The following TRMT6 variants were observed in gnomAD, a reference collection of about 807,000 sequenced individuals.
The protein encoded by TRMT6 is tRNA methyltransferase 6 non-catalytic subunit.
In TRMT6, 34 loss-of-function variants were observed where a neutral mutation model predicts 59.0. The ratio of observed to expected loss-of-function variants is 0.58; its 90% CI spans 0.44 to 0.77. TRMT6 has a LOEUF of 0.77. Among genes scored for constraint, TRMT6 ranks in the 30% least tolerant of loss-of-function variants. The pLI, the probability that TRMT6 is intolerant of heterozygous loss-of-function variation, is 0.00. For missense variants in TRMT6, 575 were observed against 604.5 expected (o/e 0.95, Z 0.51); for synonymous variants, 217 against 210.5 (o/e 1.03, Z -0.27).
At chr20:5,943,350 GC>G in intron 6 of TRMT6, among the ~76,000 whole-genome samples, 1 of 152,176 alleles carries the variant, frequency 6.6e-6, no homozygotes, top group East Asian at 1.9e-4. Flanking sequence ...AAGGACAATT[GC>G]CATGGGTTTG....
chr20:5,944,901 C>T lies in TRMT6; in HGVS notation c.270G>A (p.Ala90=), dbSNP rs567916576. The T allele has an allele frequency of 1.9e-5, 31 of 1,612,642 alleles. No individual in the cohort carries two copies. Among genetic ancestry groups the T allele is most frequent in the South Asian group, 1.5e-4 (14 of 91,026 alleles). ...REEPTAETKE[A]GTDNRNIVDD... ...CAACTATATTTCGATTATCAGTGCC[C>T]GCTTCTTTAGTCTCTAAGGAAAGAA... The change falls in exon 3 of 11, where the codon GCG becomes GCA. Residue 90 remains alanine, a synonymous_variant. Transcript: ENST00000203001.
In TRMT6 at chr20:5,938,579, C is replaced by T; in HGVS notation, c.1450G>A (p.Glu484Lys). The change falls in exon 11 of 11, where the codon GAG (glutamate) becomes AAG (lysine). Residue 484 changes from glutamate (E) to lysine (K), a missense_variant. Transcript: ENST00000203001. Reference protein sequence around the residue: ...ASTLESHETEEPAAKKRKCPE... With the variant: ...ASTLESHETEKPAAKKRKCPE... ...CATTTTCGTTTTTTAGCTGCAGGCT[C>T]CTCAGTCTCGTGTGATTCTAAAGTG... The T allele has an allele frequency of 6.2e-7, 1 of 1,614,196 alleles. No individual in the cohort carries two copies. The highest frequency in any genetic ancestry group is 8.5e-7 in the Non-Finnish European group (1 of 1,180,014).
At chr20:5,949,588 A>G (rs939583895) in intron 1 of TRMT6, among the ~76,000 whole-genome samples, 2 of 152,124 alleles carry the variant, frequency 1.3e-5, no homozygotes. Flanking sequence ...CTTTTTAGCA[A>G]TTTTCCCAGC....
rs753860360 is a variant in TRMT6 at position 5,942,542 on chromosome 20, G to A, written c.912C>T (p.Asp304=). 1.2e-6 allele frequency: 2 copies of A among 1,614,082 alleles called. No homozygotes were observed. Among genetic ancestry groups the A allele is most frequent in the South Asian group, 2.2e-5 (2 of 91,066 alleles). Residue 304 remains aspartate, a synonymous_variant, in exon 7 of 11, where the codon GAC becomes GAT. Coordinates refer to ENST00000203001, the MANE Select transcript of TRMT6 (RefSeq NM_015939.5). ...EKQASEQENE[D]SMAEAPESNH... is the part of the protein sequence containing the mutation. Reference sequence around the variant, plus strand: ...TGCTCTCTGGGGCCTCTGCCATGCTGTCTTCATTCTCTTGTTCAGAAGCCT... The same window carrying A: ...TGCTCTCTGGGGCCTCTGCCATGCTATCTTCATTCTCTTGTTCAGAAGCCT...
At position 5,950,356 on chromosome 20, in the gene TRMT6, T is replaced by C; in HGVS notation, c.50A>G (p.Asp17Gly). The C allele has an allele frequency of 4.3e-6, 7 of 1,611,582 alleles. No individual in the cohort carries two copies. Among genetic ancestry groups the C allele is most frequent in the Middle Eastern group, 1.6e-4 (1 of 6,062 alleles). Residue 17 changes from aspartate to glycine, a missense_variant, in exon 1 of 11, where the codon GAC (aspartate) becomes GGC (glycine). Asp to Gly is a moderately conservative substitution (Grantham distance 94). Transcript: ENST00000203001. ...GAAGTCGCCGTCGCGGATGCGGTGG[T>C]CTCCGGGATGCTGTGGTTGTGGGCC... is the stretch of plus-strand genomic sequence containing the variant. ...QPGPQPQHPG[D>G]HRIRDGDFVV...
At chr20:5,943,424 G>A (rs2088676387) in intron 6 of TRMT6, 135 bp downstream of exon 6, 1 of 1,146,402 alleles carries the variant, frequency 8.7e-7, no homozygotes, top group Non-Finnish European at 1.3e-6. Flanking sequence ...CATGCTAGGA[G>A]CCGTGCAGGT....
chr20:5,944,893 T>C lies in TRMT6; in HGVS notation c.278A>G (p.Asp93Gly). The C allele has an allele frequency of 6.2e-7, 1 of 1,613,742 alleles. No individual in the cohort carries two copies. The highest frequency in any genetic ancestry group is 8.5e-7 in the Non-Finnish European group (1 of 1,179,638). Reference sequence around the variant, plus strand: ...CCCATCATCAACTATATTTCGATTATCAGTGCCCGCTTCTTTAGTCTCTAA... The same window carrying C: ...CCCATCATCAACTATATTTCGATTACCAGTGCCCGCTTCTTTAGTCTCTAA... ...PTAETKEAGT[D>G]NRNIVDDGKS... Residue 93 changes from aspartate (D) to glycine (G), a missense_variant, in exon 3 of 11, where the codon GAT becomes GGT. Physicochemically the swap from Asp to Gly is moderately conservative, Grantham distance 94. Coordinates refer to ENST00000203001, the MANE Select transcript of TRMT6 (RefSeq NM_015939.5).
chr20:5,950,480 C>G lies in TRMT6; in HGVS notation c.-75G>C. ...GTTGTCGCCACCGCCAGCCTCACTT[C>G]CCACAACCTGGCGCACTAGGAGCCC... On this transcript the variant is annotated 5_prime_UTR_variant, in exon 1 of 11. Coordinates refer to ENST00000203001, the MANE Select transcript of TRMT6 (RefSeq NM_015939.5). The G allele has an allele frequency of 6.7e-6, 10 of 1,481,582 alleles. No homozygotes were observed. The South Asian group carries it at 1.3e-4, about 19-fold the overall frequency. The allele number at this position is 1,481,582 out of a possible 1,614,324, so 91.8% of individuals were successfully genotyped here. A position where few individuals can be genotyped will look rare whatever the true frequency, so the allele number is the denominator to read the frequency against.
Position 5,941,845 on chromosome 20 carries a change from C to T in TRMT6, c.1112+106G>A, listed in dbSNP as rs560311034. 2.9e-4 allele frequency: 283 copies of T among 966,744 alleles called. 2 individuals carry two copies. In the South Asian group the frequency reaches 3.9e-3, roughly 13 times the overall value. The allele number at this position is 966,744 out of a possible 1,614,324, so 59.9% of individuals were successfully genotyped here. A position where few individuals can be genotyped will look rare whatever the true frequency, so the allele number is the denominator to read the frequency against. ...AACCCCCAAGACAAAATCCTCATCT[C>T]GGGTCCCACTAGAGTCAAAGCAGAC... On this transcript the variant is annotated intron_variant, in intron 8 of 10. Coordinates refer to ENST00000203001, the MANE Select transcript of TRMT6 (RefSeq NM_015939.5).
At chr20:5,945,785 T>C (rs527931308) in intron 2 of TRMT6, among the ~76,000 whole-genome samples, 1 of 152,208 alleles carries the variant, frequency 6.6e-6, no homozygotes, top group Non-Finnish European at 1.5e-5. Context: ...TAAATATAAT[T>C]TTAATTAACA....
Position 5,939,463 on chromosome 20 carries a change from G to A in TRMT6, c.1303-737C>T, listed in dbSNP as rs1385590744. Among the ~76,000 whole-genome samples, 4 of 147,974 alleles carry A rather than the reference G, an allele frequency of 2.7e-5. No individual in the cohort carries two copies. The East Asian group carries it at 8.0e-4, about 30-fold the overall frequency. On this transcript the variant is annotated intron_variant, in intron 10 of 10. Coordinates refer to ENST00000203001, the MANE Select transcript of TRMT6 (RefSeq NM_015939.5). ...GCCACTGCACCCCACCTGGGCGACA[G>A]AGCGAGACTCTGTCTCAAAAATGAA...
In TRMT6 at chr20:5,941,235, A is replaced by C. The variant is rs750490331; in HGVS notation, c.1215+8T>G. On this transcript the variant is annotated splice_region_variant and intron_variant, in intron 9 of 10. Coordinates refer to ENST00000203001, the MANE Select transcript of TRMT6 (RefSeq NM_015939.5). ...TAAGAATTCCTGCCCATTCCATTCC[A>C]GTATTACCTCTTTGTACTGACAGTA... The C allele has an allele frequency of 6.2e-7, 1 of 1,612,358 alleles. No homozygotes were observed. Among genetic ancestry groups the C allele is most frequent in the Admixed American group, 1.7e-5 (1 of 60,022 alleles).
rs933588854 is a variant in TRMT6 at position 5,937,898 on chromosome 20, A to G, written c.*637T>C. On this transcript the variant is annotated 3_prime_UTR_variant, in exon 11 of 11. Transcript: ENST00000203001. ...AAATTCTAGTCACTTTATTTAGAAC[A>G]AAGAATAAGAGTATTGGCAAATTAA... 5.9e-5 allele frequency: 9 copies of G among 152,254 alleles called. No homozygotes were observed. Among genetic ancestry groups the G allele is most frequent in the African/African-American group, 1.7e-4 (7 of 41,466 alleles). The allele number at this position is 152,254 out of a possible 1,614,324, so 9.4% of individuals were successfully genotyped here.
intron 8 of TRMT6, chr20:5,941,662 C>A: frequency 1.8e-6 from 1 of 546,186 alleles, no homozygotes; most frequent in South Asian, 2.5e-5. Flanking sequence ...CTGTTATAGC[C>A]TGTATCGCAG....
Position 5,942,460 on chromosome 20 carries a change from C to G in TRMT6, c.994G>C (p.Gly332Arg), listed in dbSNP as rs771274635. The stretch of plus-strand genomic sequence containing the variant: ...TTTTTGCTTCCTCTCTCTTTAGGCC[C>G]CTTATGTTCTGGATCTTGAGAAATT... ...ETISQDPEHK[G>R]PKERGSKKDY... Residue 332 changes from glycine to arginine, a missense_variant, in exon 7 of 11, where the codon GGG becomes CGG. Coordinates refer to ENST00000203001, the MANE Select transcript of TRMT6 (RefSeq NM_015939.5). The G allele has an allele frequency of 1.2e-6, 2 of 1,613,710 alleles. No individual in the cohort carries two copies. Among genetic ancestry groups the G allele is most frequent in the African/African-American group, 2.7e-5 (2 of 74,814 alleles).
Position 5,950,389 on chromosome 20 carries a change from T to C in TRMT6, c.17A>G (p.Glu6Gly). 1 of 1,603,030 alleles carries C rather than the reference T, an allele frequency of 6.2e-7. No individual in the cohort carries two copies. Among genetic ancestry groups the C allele is most frequent in the Non-Finnish European group, 8.5e-7 (1 of 1,179,166 alleles). ...ATGCTGTGGTTGTGGGCCCGGCTGC[T>C]CCCCTGAGCCCTCCATGACGCTCAG... MEGSG[E>G]QPGPQPQHPG... Residue 6 changes from glutamate to glycine, a missense_variant, in exon 1 of 11, where the codon GAG (glutamate) becomes GGG (glycine). Glu to Gly is a moderately conservative substitution (Grantham distance 98). Coordinates refer to ENST00000203001, the MANE Select transcript of TRMT6 (RefSeq NM_015939.5).
intron 6 of TRMT6, among the ~76,000 whole-genome samples, chr20:5,943,217 A>T (rs1459372550): frequency 6.6e-6 from 1 of 152,052 alleles, no homozygotes; most frequent in African/African-American, 2.4e-5. Context: ...TTCCCACTCA[A>T]TCCCTTCAAT....
intron 1 of TRMT6, among the ~76,000 whole-genome samples, 172 bp from the exon 2 acceptor site, chr20:5,946,705 A>C (rs1246554440): frequency 6.6e-6 from 1 of 152,206 alleles, no homozygotes; most frequent in African/African-American, 2.4e-5. Context: ...ATAGAGACGT[A>C]AAATTAATGA....
At chr20:5,944,987 TC>T in intron 2 of TRMT6, 73 bp from the exon 3 acceptor site, 1 of 1,220,628 alleles carries the variant, frequency 8.2e-7, no homozygotes, top group Non-Finnish European at 1.2e-6. Flanking sequence ...TGAGTTCATA[TC>T]CACATCCAGT....
Sources: allele counts gnomAD v4.1 joint callset (sites outside exome capture counted in the v4.1 genomes callset), GRCh38; gene constraint gnomAD v4.1.1; transcripts MANE v1.5; gene names NCBI Gene and HGNC (gene_info 2026-07-23, HGNC 2026-07-21).